LRRFIP1: variants seen among roughly 807,000 people sequenced by gnomAD.
The protein encoded by LRRFIP1 is LRR binding FLII interacting protein 1, also known as leucine-rich repeat flightless-interacting protein 1.
Under a neutral mutation model 104.4 loss-of-function variants are expected in LRRFIP1, and 62 were observed. That is an observed-to-expected ratio of 0.59 (90% CI 0.48 to 0.73). The LOEUF is 0.73. LRRFIP1 is among the 30% of genes least tolerant of loss of function. LRRFIP1 has a pLI of 0.00. For synonymous variants in LRRFIP1, 300 were observed against 299.0 expected (o/e 1.00, Z -0.03); for missense variants, 796 against 824.5 (o/e 0.97, Z 0.42).
chr2:237,762,462 G>A, intron 19 of LRRFIP1: 1 of 735,350 alleles, frequency 1.4e-6, no homozygotes. Context: ...AACTGGCAAA[G>A]GCTTGTTTCT....
intron 23 of LRRFIP1, among the ~76,000 whole-genome samples, chr2:237,775,384 G>C (rs746097435): frequency 7.9e-5 from 12 of 152,194 alleles, no homozygotes; most frequent in Admixed American, 1.3e-4. Context: ...AAGTGAGCAG[G>C]GGGTGAGGGG....
At chr2:237,684,192 C>G in intron 1 of LRRFIP1, 1 of 146,854 alleles carries the variant, frequency 6.8e-6, no homozygotes, top group Non-Finnish European at 1.5e-5. Context: ...TTTTTTTTGG[C>G]CAAGTATAGT....
intron 6 of LRRFIP1, among the ~76,000 whole-genome samples, chr2:237,723,323 G>C (rs922634096): frequency 6.6e-5 from 10 of 152,188 alleles, no homozygotes; most frequent in Non-Finnish European, 1.2e-4. Flanking sequence ...AATTATAGCA[G>C]CCTTTGCCAT....
intron 1 of LRRFIP1, among the ~76,000 whole-genome samples, chr2:237,629,964 C>G (rs1157930613): frequency 6.6e-6 from 1 of 152,142 alleles, no homozygotes; most frequent in African/African-American, 2.4e-5. Flanking sequence ...GTGAGTTACT[C>G]ACTCTTCTCT....
intron 13 of LRRFIP1, 89 bp downstream of exon 13, chr2:237,749,413 G>T: frequency 3.4e-6 from 5 of 1,464,618 alleles, no homozygotes; most frequent in Non-Finnish European, 4.6e-6. Flanking sequence ...AATTCATAAA[G>T]TTCTGGATCT....
At chr2:237,773,233 C>G (rs2060798575) in intron 22 of LRRFIP1, among the ~76,000 whole-genome samples, 1 of 152,116 alleles carries the variant, frequency 6.6e-6, no homozygotes. Context: ...AAATTTTGTT[C>G]TTTAAAATTA....
chr2:237,633,772 A>T (rs1007501541), intron 1 of LRRFIP1, among the ~76,000 whole-genome samples: 1 of 152,098 alleles, frequency 6.6e-6, no homozygotes, highest in African/African-American at 2.4e-5. Context: ...CCACCTATTA[A>T]TTAGGGGCTG....
Position 237,627,629 on chromosome 2 carries a change from G to A in LRRFIP1, c.-16G>A. 7.7e-7 allele frequency: 1 copy of A among 1,295,938 alleles called. No individual in the cohort carries two copies. The highest frequency in any genetic ancestry group is 9.9e-7 in the Non-Finnish European group (1 of 1,009,312). 80.3% of individuals were successfully genotyped at this position (1,295,938 alleles called of 1,614,324 possible). A position where few individuals can be genotyped will look rare whatever the true frequency, so the allele number is the denominator to read the frequency against. On this transcript the variant is annotated 5_prime_UTR_variant, in exon 1 of 24. Transcript: ENST00000308482. ...TGGAGCAACGGGCCCCGCGGCAGCT[G>A]CGGGCGACGCGGTCGATGGACATGG...
At chr2:237,694,609 T>TC (rs1422200921) in intron 1 of LRRFIP1, among the ~76,000 whole-genome samples, 1 of 151,986 alleles carries the variant, frequency 6.6e-6, no homozygotes, top group East Asian at 1.9e-4. Context: ...CAGGGATGGG[T>TC]CTCCTGCGGA....
chr2:237,715,733 G>A (rs1488629171), intron 3 of LRRFIP1, among the ~76,000 whole-genome samples: 2 of 152,242 alleles, frequency 1.3e-5, no homozygotes, highest in South Asian at 2.1e-4. Context: ...TGGAATCAAA[G>A]CTATTTCTGA....
At chr2:237,722,171 A>G (rs1324653859) in intron 6 of LRRFIP1, 1 of 152,198 alleles carries the variant, frequency 6.6e-6, no homozygotes, top group Non-Finnish European at 1.5e-5. Context: ...TCACTTTGGC[A>G]GGAGAACTTT....
chr2:237,666,731 T>TGTTCTTTA (rs1237213964), intron 1 of LRRFIP1, among the ~76,000 whole-genome samples: 1 of 81,652 alleles, frequency 1.2e-5, no homozygotes, highest in East Asian at 4.3e-4. Context: ...TTCTTTCTTT[T>TGTTCTTTA]GTTCTTTCGT....
At chr2:237,758,255 C>G (rs1041006130) in intron 17 of LRRFIP1, among the ~76,000 whole-genome samples, 4 of 147,276 alleles carry the variant, frequency 2.7e-5, no homozygotes, top group African/African-American at 1.0e-4. Flanking sequence ...TCTGCATGCA[C>G]GCACACTTTA....
chr2:237,716,697 T>C (rs1335203939), intron 3 of LRRFIP1, among the ~76,000 whole-genome samples: 1 of 152,268 alleles, frequency 6.6e-6, no homozygotes, highest in Non-Finnish European at 1.5e-5. Flanking sequence ...ATCTGTGTTA[T>C]AATGATACGG....
chr2:237,643,835 G>A (rs2084430786), intron 1 of LRRFIP1, among the ~76,000 whole-genome samples: 1 of 152,240 alleles, frequency 6.6e-6, no homozygotes, highest in African/African-American at 2.4e-5. Flanking sequence ...GATTTGAAAA[G>A]GCTTGTCAGA....
intron 19 of LRRFIP1, chr2:237,768,391 G>C (rs1465423471): frequency 6.6e-6 from 1 of 152,078 alleles, no homozygotes; most frequent in Non-Finnish European, 1.5e-5. Flanking sequence ...AAGTTTTCTA[G>C]AAGAAAACAA....
At chr2:237,755,778 A>G (rs1399095925) in intron 15 of LRRFIP1, among the ~76,000 whole-genome samples, 2 of 152,160 alleles carry the variant, frequency 1.3e-5, no homozygotes, top group African/African-American at 4.8e-5. Context: ...TACCAAAAAT[A>G]GAAAAATTAG....
intron 16 of LRRFIP1, 114 bp downstream of exon 16, chr2:237,756,301 A>AAACAACAGAAATTAATT: frequency 2.9e-6 from 2 of 683,500 alleles, no homozygotes; most frequent in Non-Finnish European, 4.8e-6. Flanking sequence ...AGCATGGCTT[A>AAACAACAGAAATTAATT]AACAACAGAA....
intron 6 of LRRFIP1, among the ~76,000 whole-genome samples, chr2:237,723,090 G>A (rs2094591477): frequency 6.6e-6 from 1 of 152,164 alleles, no homozygotes; most frequent in South Asian, 2.1e-4. Context: ...AAGGTGGGGA[G>A]GTGATTTATA....
Sources: allele counts gnomAD v4.1 joint callset (sites outside exome capture counted in the v4.1 genomes callset), GRCh38; gene constraint gnomAD v4.1.1; transcripts MANE v1.5; gene names NCBI Gene and HGNC (gene_info 2026-07-23, HGNC 2026-07-21).